The following NRDC variants were observed in gnomAD, a reference collection of about 807,000 sequenced individuals.
The protein encoded by NRDC is nardilysin.
A neutral mutation model predicts 147.1 loss-of-function variants in NRDC; 54 were observed. That is an observed-to-expected ratio of 0.37 (90% CI 0.29 to 0.46). The LOEUF (loss-of-function observed/expected upper bound fraction) is 0.46. NRDC is among the 20% of genes least tolerant of loss of function. The pLI is 1.00. For synonymous variants in NRDC, 440 were observed against 482.1 expected (o/e 0.91, Z 1.14); for missense variants, 1,082 against 1,370.6 (o/e 0.79, Z 3.33).
At chr1:51,812,740 C>T (rs1010799272) in intron 14 of NRDC, among the ~76,000 whole-genome samples, 3 of 152,120 alleles carry the variant, frequency 2.0e-5, no homozygotes, top group Non-Finnish European at 2.9e-5. Flanking sequence ...GACAGGCAAC[C>T]TATCACTACA....
chr1:51,827,723 G>A, intron 5 of NRDC, 73 bp downstream of exon 5: 1 of 1,137,826 alleles, frequency 8.8e-7, no homozygotes, highest in Non-Finnish European at 1.3e-6. Context: ...TAGAGATAAA[G>A]AAGGATAAAT....
intron 1 of NRDC, among the ~76,000 whole-genome samples, chr1:51,861,035 C>T (rs1018856126): frequency 1.7e-4 from 25 of 150,952 alleles, no homozygotes; most frequent in Admixed American, 7.9e-4. Flanking sequence ...CTGCAACCTC[C>T]GCCTCCCATG....
chr1:51,850,519 A>C (rs1338529349), intron 1 of NRDC, among the ~76,000 whole-genome samples: 4 of 152,230 alleles, frequency 2.6e-5, no homozygotes, highest in Non-Finnish European at 5.9e-5. Flanking sequence ...AAGTTCTTTC[A>C]AGGGAAATTT....
chr1:51,852,980 T>C (rs1682050245), intron 1 of NRDC, among the ~76,000 whole-genome samples: 2 of 151,924 alleles, frequency 1.3e-5, no homozygotes. Context: ...TCCCAGCACT[T>C]TGGGAGGCCG....
In NRDC at chr1:51,857,819, T is replaced by C. The variant is rs967683137; in HGVS notation, c.342-17305A>G. ...TGCAGACTTCAGAAATTTGCAGAGATTTTTGTGTTCTACATTCTTTTTCTT... is the reference window on the plus strand; with the variant it reads ...TGCAGACTTCAGAAATTTGCAGAGACTTTTGTGTTCTACATTCTTTTTCTT... On this transcript the variant is annotated intron_variant, in intron 1 of 30. Transcript: ENST00000352171. Among the ~76,000 whole-genome samples the C allele has an allele frequency of 5.9e-5, 9 of 152,138 alleles. No individual in the cohort carries two copies. In the East Asian group the frequency reaches 1.7e-3, roughly 29 times the overall value.
At chr1:51,871,864 TTTTG>T (rs1244293018) in intron 1 of NRDC, among the ~76,000 whole-genome samples, 1 of 151,538 alleles carries the variant, frequency 6.6e-6, no homozygotes, top group African/African-American at 2.4e-5. Flanking sequence ...AACAGGGCGT[TTTTG>T]TTTGTTTTTT....
intron 15 of NRDC, 37 bp from the exon 16 acceptor site, chr1:51,810,441 A>G (rs1679662652): frequency 1.3e-6 from 2 of 1,582,384 alleles, no homozygotes; most frequent in South Asian, 2.3e-5. Flanking sequence ...GATACACACA[A>G]TTTTAACCTA....
chr1:51,797,765 CTCTT>C (rs555693029), intron 22 of NRDC, among the ~76,000 whole-genome samples: 41 of 152,228 alleles, frequency 2.7e-4, no homozygotes, highest in African/African-American at 8.7e-4. Flanking sequence ...TTTTCTCTCT[CTCTT>C]TCTTTATTTC....
chr1:51,803,729 T>C, intron 20 of NRDC, 85 bp downstream of exon 20: 2 of 1,064,400 alleles, frequency 1.9e-6, no homozygotes, highest in South Asian at 3.3e-5. Flanking sequence ...CATTTATTTC[T>C]CTATACAGCA....
At chr1:51,855,467 A>G (rs1317677194) in intron 1 of NRDC, among the ~76,000 whole-genome samples, 6 of 147,828 alleles carry the variant, frequency 4.1e-5, no homozygotes, top group Admixed American at 4.0e-4. Flanking sequence ...ACCAAACAAG[A>G]TAAAAAATCC....
chr1:51,878,407 T>C lies in NRDC; in HGVS notation c.209A>G (p.Gln70Arg). 1 of 1,614,182 alleles carries C rather than the reference T, an allele frequency of 6.2e-7. No individual in the cohort carries two copies. The highest frequency in any genetic ancestry group is 8.5e-7 in the Non-Finnish European group (1 of 1,180,042). Residue 70 changes from glutamine (Q) to arginine (R), a missense_variant, in exon 1 of 31, where the codon CAG becomes CGG. By Grantham distance (43) the Gln-to-Arg change is conservative (BLOSUM62 1). Around this residue, in one of 3 missense-constraint regions of NRDC, gnomAD observed 260 missense variants for 253.2 expected, o/e 1.03. Coordinates refer to ENST00000352171, the MANE Select transcript of NRDC (RefSeq NM_001101662.2). ...CSCPDLQPNGQDLGENSRVAR... is the reference protein window; with the variant it reads ...CSCPDLQPNGRDLGENSRVAR... ...AACCCGGCTGTTCTCGCCCAGATCCTGTCCATTGGGCTGCAGGTCAGGGCA... is the reference window on the plus strand; with the variant it reads ...AACCCGGCTGTTCTCGCCCAGATCCCGTCCATTGGGCTGCAGGTCAGGGCA...
chr1:51,791,079 G>C (rs1006263465), intron 27 of NRDC, 89 bp from the exon 28 acceptor site: 1 of 913,748 alleles, frequency 1.1e-6, no homozygotes, highest in Admixed American at 2.1e-5. Flanking sequence ...GGCAAAAGAA[G>C]GAATTAAGAC....
intron 10 of NRDC, among the ~76,000 whole-genome samples, chr1:51,817,699 G>T (rs1464939932): frequency 1.3e-5 from 2 of 152,142 alleles, no homozygotes; most frequent in Non-Finnish European, 2.9e-5. Context: ...GTGCCACCAC[G>T]CCTTGGCTAG....
In NRDC at chr1:51,878,718, G is replaced by A. The variant is rs909454039; in HGVS notation, c.-103C>T. ...GCCCTGGTGCTGCCGCAGCCGCGGG[G>A]AACAGGCCTGAACCCCTCCCCCAAC... On this transcript the variant is annotated 5_prime_UTR_variant, in exon 1 of 31. Coordinates refer to ENST00000352171, the MANE Select transcript of NRDC (RefSeq NM_001101662.2). The A allele has an allele frequency of 1.1e-5, 10 of 950,300 alleles. No individual in the cohort carries two copies. The highest frequency in any genetic ancestry group is 7.7e-5 in the Admixed American group (3 of 39,024). 58.9% of individuals were successfully genotyped at this position (950,300 alleles called of 1,614,324 possible). A position where few individuals can be genotyped will look rare whatever the true frequency, so the allele number is the denominator to read the frequency against.
chr1:51,848,679 A>AT (rs566240944), intron 1 of NRDC, among the ~76,000 whole-genome samples: 294 of 152,298 alleles, frequency 1.9e-3, no homozygotes, highest in African/African-American at 6.8e-3. Flanking sequence ...TCAAAGTAAG[A>AT]TTTTTTTAAA....
intron 7 of NRDC, among the ~76,000 whole-genome samples, chr1:51,822,240 T>C (rs545542900): frequency 3.3e-5 from 5 of 152,268 alleles, no homozygotes; most frequent in East Asian, 1.9e-4. Flanking sequence ...TAATTCTCAA[T>C]AGAGAACCCC....
intron 6 of NRDC, among the ~76,000 whole-genome samples, chr1:51,824,988 T>C (rs921016004): frequency 1.3e-5 from 2 of 152,204 alleles, no homozygotes; most frequent in African/African-American, 2.4e-5. Context: ...ATGATAATGG[T>C]ACCTATCTCT....
chr1:51,814,568 C>T lies in NRDC; in HGVS notation c.1602G>A (p.Lys534=), dbSNP rs1426743311. ...TVFQYLKMLQ[K]LGPEKRIFEE... The stretch of plus-strand genomic sequence containing the variant: ...TTTATTACCTTTTTTCTGGGCCTAG[C>T]TTCTGCAGCATTTTTAAATACTGAA... Residue 534 remains lysine, a synonymous_variant, in exon 13 of 31, where the codon AAG becomes AAA. Coordinates refer to ENST00000352171, the MANE Select transcript of NRDC (RefSeq NM_001101662.2). The T allele has an allele frequency of 3.1e-6, 5 of 1,613,480 alleles. No individual in the cohort carries two copies. The highest frequency in any genetic ancestry group is 2.2e-5 in the East Asian group (1 of 44,878).
At position 51,825,378 on chromosome 1, in the gene NRDC, A is replaced by G. The variant is rs777364809; in HGVS notation, c.945T>C (p.Tyr315=). 8.8e-6 allele frequency: 14 copies of G among 1,587,438 alleles called. No homozygotes were observed. In the South Asian group the frequency reaches 1.6e-4, roughly 18 times the overall value. ...TTGCATCAGAAGGCCTTGCAAGTTGATATTCTGTCAATTTTAAATAAACAC... is the reference window on the plus strand; with the variant it reads ...TTGCATCAGAAGGCCTTGCAAGTTGGTATTCTGTCAATTTTAAATAAACAC... The part of the protein sequence containing the change: ...DREVEAVDSE[Y]QLARPSDANR... Residue 315 remains tyrosine (Y), a synonymous_variant, in exon 6 of 31, where the codon TAT becomes TAC. Transcript: ENST00000352171.
Sources: gnomAD v4.1 joint callset for allele counts (sites outside exome capture counted in the v4.1 genomes callset) on GRCh38, gnomAD v4.1.1 for gene constraint, gnomAD v4.1.1 regional missense constraint, MANE v1.5 for transcripts, NCBI Gene and HGNC (gene_info 2026-07-23, HGNC 2026-07-21) for gene names.